The following SLC4A4 variants were observed in gnomAD, a reference collection of about 807,000 sequenced individuals.
The protein encoded by SLC4A4 is electrogenic sodium bicarbonate cotransporter 1.
SLC4A4 carries 27 observed loss-of-function variants against 111.5 expected under a neutral mutation model. The observed-to-expected ratio is 0.24, with a 90% CI of 0.18 to 0.33. The LOEUF (loss-of-function observed/expected upper bound fraction) is 0.33. SLC4A4 is among the 10% of genes least tolerant of loss of function. The pLI is 1.00. For synonymous variants in SLC4A4, 443 were observed against 463.4 expected, an observed-to-expected ratio of 0.96 and a Z score of 0.57; for missense variants, 909 against 1,315.5, an observed-to-expected ratio of 0.69 and a Z score of 4.78.
At position 71,346,804 on chromosome 4, in the gene SLC4A4, T is replaced by C. The variant is rs186842035; in HGVS notation, c.390-3108T>C. 2.0e-5 allele frequency among the ~76,000 whole-genome samples: 3 copies of C among 152,296 alleles called. No homozygotes were observed. The East Asian group carries it at 5.8e-4, about 29-fold the overall frequency. On this transcript the variant is annotated intron_variant, in intron 4 of 25. Coordinates refer to ENST00000264485, the MANE Select transcript of SLC4A4 (RefSeq NM_001098484.3). ...AGTAGTTTATGTCCAAATGCATTTG[T>C]TGGAAGTATAATCAGTTCCTTAAAC...
intron 3 of SLC4A4, among the ~76,000 whole-genome samples, chr4:71,274,105 C>T (rs1403988316): frequency 3.3e-5 from 5 of 152,098 alleles, no homozygotes; most frequent in Admixed American, 3.3e-4. Context: ...AGTTAATGAA[C>T]ACATTTTATA....
At chr4:71,238,388 T>C (rs1719953051) in intron 2 of SLC4A4, among the ~76,000 whole-genome samples, 1 of 152,212 alleles carries the variant, frequency 6.6e-6, no homozygotes, top group South Asian at 2.1e-4. Context: ...ACAATATAAA[T>C]GAATAGCACA....
intron 2 of SLC4A4, among the ~76,000 whole-genome samples, chr4:71,248,605 T>C (rs888361735): frequency 4.6e-5 from 7 of 152,128 alleles, no homozygotes; most frequent in Non-Finnish European, 7.4e-5. Flanking sequence ...TGTTAATTCC[T>C]TAAGGTAGAT....
At chr4:71,291,821 A>T (rs981495646) in intron 3 of SLC4A4, among the ~76,000 whole-genome samples, 2 of 152,216 alleles carry the variant, frequency 1.3e-5, no homozygotes, top group African/African-American at 2.4e-5. Context: ...TTACAATTCT[A>T]TATTACTTTA....
chr4:71,391,712 C>T (rs894560305), intron 6 of SLC4A4, among the ~76,000 whole-genome samples: 12 of 151,902 alleles, frequency 7.9e-5, no homozygotes, highest in Non-Finnish European at 1.8e-4. Context: ...ACTGGTTCTT[C>T]TTCTGCTTTT....
At chr4:71,171,793 T>C (rs1744948585) in intron 2 of SLC4A4, among the ~76,000 whole-genome samples, 1 of 152,216 alleles carries the variant, frequency 6.6e-6, no homozygotes, top group South Asian at 2.1e-4. Flanking sequence ...AACTGCAATG[T>C]CAGCAGAAGC....
Position 71,472,872 on chromosome 4 carries a change from A to C in SLC4A4, c.1805A>C (p.Lys602Thr). 6.2e-7 allele frequency: 1 copy of C among 1,612,890 alleles called. No individual in the cohort carries two copies. The highest frequency in any genetic ancestry group is 8.5e-7 in the Non-Finnish European group (1 of 1,179,322). Residue 602 changes from lysine to threonine, a missense_variant, in exon 14 of 26, where the codon AAG becomes ACG. By Grantham distance (78) the Lys-to-Thr change is moderately conservative. Transcript: ENST00000264485. ...ISFIFIYDAFKKMIKLADYYP... is the reference protein window; with the variant it reads ...ISFIFIYDAFTKMIKLADYYP... ...TTCATCTTTATCTATGATGCTTTCAAGAAGATGATCAAGCTTGCAGATTAC... is the reference window on the plus strand; with the variant it reads ...TTCATCTTTATCTATGATGCTTTCACGAAGATGATCAAGCTTGCAGATTAC...
intron 2 of SLC4A4, among the ~76,000 whole-genome samples, chr4:71,173,470 T>A (rs150250481): frequency 0.053 from 8,024 of 152,262 alleles, 670 homozygotes; most frequent in African/African-American, 0.18. Flanking sequence ...AACCTCCACC[T>A]CCTGGGTTTA....
intron 1 of SLC4A4, among the ~76,000 whole-genome samples, chr4:71,231,565 A>G (rs1385313497): frequency 6.6e-6 from 1 of 152,236 alleles, no homozygotes; most frequent in Non-Finnish European, 1.5e-5. Context: ...TATAACTTGT[A>G]CGGTCAGAGG....
chr4:71,212,654 A>G (rs1226884751), intron 1 of SLC4A4, among the ~76,000 whole-genome samples: 2 of 152,212 alleles, frequency 1.3e-5, no homozygotes, highest in Admixed American at 6.5e-5. Context: ...CACAATGGCA[A>G]TGACATTTCC....
chr4:71,140,840 A>G (rs1234326148), intron 2 of SLC4A4, among the ~76,000 whole-genome samples: 1 of 152,212 alleles, frequency 6.6e-6, no homozygotes, highest in African/African-American at 2.4e-5. Flanking sequence ...ATGATTGCAA[A>G]GACTCCTAAG....
At chr4:71,115,266 G>A (rs1329265948) in intron 2 of SLC4A4, among the ~76,000 whole-genome samples, 25 of 151,328 alleles carry the variant, frequency 1.7e-4, no homozygotes, top group Admixed American at 4.6e-4. Flanking sequence ...CAGCACACCA[G>A]CATGGCACAT....
At chr4:71,135,950 A>G (rs902861534) in intron 2 of SLC4A4, among the ~76,000 whole-genome samples, 3 of 152,302 alleles carry the variant, frequency 2.0e-5, no homozygotes, top group South Asian at 2.1e-4. Context: ...ACTTTACTGA[A>G]GCCCTCAGCA....
intron 16 of SLC4A4, among the ~76,000 whole-genome samples, chr4:71,528,885 G>A (rs1733677055): frequency 6.6e-6 from 1 of 151,614 alleles, no homozygotes; most frequent in African/African-American, 2.4e-5. Context: ...ATGTAGAAAA[G>A]GATATATTTG....
At chr4:71,085,691 G>T (rs1008240080) in intron 1 of SLC4A4, among the ~76,000 whole-genome samples, 3 of 152,036 alleles carry the variant, frequency 2.0e-5, no homozygotes, top group African/African-American at 4.8e-5. Context: ...GTTTTTGTCA[G>T]GTTTGTCAAA....
intron 14 of SLC4A4, among the ~76,000 whole-genome samples, chr4:71,482,991 GCTCTA>G: frequency 6.6e-6 from 1 of 151,708 alleles, no homozygotes; most frequent in Non-Finnish European, 1.5e-5. Context: ...CCCATTATAT[GCTCTA>G]GGATGTTTTA....
chr4:71,456,335 AAG>A (rs1474409469), intron 12 of SLC4A4, among the ~76,000 whole-genome samples: 3 of 152,206 alleles, frequency 2.0e-5, no homozygotes, highest in Admixed American at 1.3e-4. Flanking sequence ...AACACTGAAA[AAG>A]AGGCATAGAA....
chr4:71,138,759 G>A (rs6819783), intron 2 of SLC4A4, among the ~76,000 whole-genome samples: 28,166 of 152,078 alleles, frequency 0.19, 2,687 homozygotes, highest in South Asian at 0.29. Flanking sequence ...TAAGTTGGCC[G>A]GGCGCGGTGG....
At chr4:71,245,736 A>G (rs1022584967) in intron 2 of SLC4A4, among the ~76,000 whole-genome samples, 2 of 152,154 alleles carry the variant, frequency 1.3e-5, no homozygotes, top group African/African-American at 4.8e-5. Flanking sequence ...AGTCCTAGGC[A>G]TATAGCTAGC....
Sources: allele counts gnomAD v4.1 joint callset (sites outside exome capture counted in the v4.1 genomes callset), GRCh38; gene constraint gnomAD v4.1.1; transcripts MANE v1.5; gene names NCBI Gene and HGNC (gene_info 2026-07-23, HGNC 2026-07-21).